Variants in EXOC2 observed in about 807,000 individuals in gnomAD.
The protein encoded by EXOC2 is exocyst complex component 2.
A neutral mutation model predicts 131.8 loss-of-function variants in EXOC2; 70 were observed. The observed-to-expected ratio is 0.53, with a 90% confidence interval of 0.44 to 0.65. The LOEUF is 0.65. Ranked by LOEUF, EXOC2 falls within the 30% of genes least tolerant of loss-of-function variation. The probability of loss-of-function intolerance (pLI) is 0.00; values close to 1 mark genes in which losing one functional copy is unlikely to be tolerated. For synonymous variants in EXOC2, 411 were observed against 398.4 expected (o/e 1.03, Z -0.38); for missense variants, 923 against 1,108.6 (o/e 0.83, Z 2.38).
At chr6:564,188 G>T in intron 15 of EXOC2, 34 bp from the exon 16 acceptor site, 1 of 1,606,734 alleles carries the variant, frequency 6.2e-7, no homozygotes, top group South Asian at 1.1e-5. Flanking sequence ...GAAGTGAGCA[G>T]AGTGGGATCG....
intron 23 of EXOC2, among the ~76,000 whole-genome samples, chr6:503,175 TTTTTA>T (rs1470440318): frequency 3.9e-5 from 6 of 152,342 alleles, no homozygotes; most frequent in Admixed American, 2.0e-4. Flanking sequence ...CTTTTTTTTT[TTTTTA>T]TTACCGATTG....
chr6:638,671 G>A (rs1216578193), intron 1 of EXOC2, among the ~76,000 whole-genome samples: 2 of 152,254 alleles, frequency 1.3e-5, no homozygotes, highest in African/African-American at 4.8e-5. Context: ...GGTGGCTCAT[G>A]CCTGTAATCC....
rs575135240 is a variant in EXOC2, at chr6:516,900, T to G, written c.2380+15569A>C. Among the ~76,000 whole-genome samples the G allele has an allele frequency of 6.6e-5, 10 of 152,236 alleles. No individual in the cohort carries two copies. The South Asian group carries it at 2.1e-3, about 32-fold the overall frequency. ...ATATGACAGAAGAAACACACACACC[T>G]TCCCCAGCGCCTCACTGACGGAGAG... is the stretch of plus-strand genomic sequence containing the variant. On this transcript the variant is annotated intron_variant, in intron 23 of 27. Transcript: ENST00000230449.
intron 11 of EXOC2, among the ~76,000 whole-genome samples, chr6:587,687 C>T (rs1044577149): frequency 2.0e-5 from 3 of 152,334 alleles, no homozygotes; most frequent in East Asian, 3.9e-4. Flanking sequence ...TCCGAGGAAA[C>T]GTTCTGTCCG....
intron 1 of EXOC2, among the ~76,000 whole-genome samples, chr6:681,196 C>A (rs563198219): frequency 6.6e-6 from 1 of 152,218 alleles, no homozygotes; most frequent in Admixed American, 6.5e-5. Context: ...TCACAATCAA[C>A]CTGTGACAGC....
chr6:567,591 C>T (rs560088406), intron 13 of EXOC2, among the ~76,000 whole-genome samples: 1 of 152,234 alleles, frequency 6.6e-6, no homozygotes, highest in South Asian at 2.1e-4. Context: ...TGTCTACATA[C>T]TGAGTACATG....
intron 1 of EXOC2, among the ~76,000 whole-genome samples, chr6:686,566 T>C (rs9504755): frequency 0.14 from 21,754 of 152,192 alleles, 1,721 homozygotes; most frequent in African/African-American, 0.2. Context: ...ATATAGGGAA[T>C]GCCTGACAAC....
chr6:650,367 C>T (rs996316275), intron 1 of EXOC2, among the ~76,000 whole-genome samples: 3 of 152,174 alleles, frequency 2.0e-5, no homozygotes, highest in African/African-American at 7.2e-5. Flanking sequence ...CTAGGAGAGT[C>T]CTTTACAAAG....
In EXOC2 at chr6:491,160, C is replaced by T. The variant is rs528502008; in HGVS notation, c.2586G>A (p.Arg862=). The part of the protein sequence containing the change: ...LQARLEICAL[R]DTVAVYLTPE... ...GTGTCAGGTAAACAGCCACAGTGTCCCTCAAAGCACAGATTTCAAGTCTCG... is the reference window on the plus strand; with the variant it reads ...GTGTCAGGTAAACAGCCACAGTGTCTCTCAAAGCACAGATTTCAAGTCTCG... Residue 862 remains arginine, a synonymous_variant, in exon 26 of 28, where the codon AGG becomes AGA. Transcript: ENST00000230449. 1.1e-5 allele frequency: 17 copies of T among 1,614,106 alleles called. No individual in the cohort carries two copies. Among genetic ancestry groups the T allele is most frequent in the Non-Finnish European group, 1.4e-5 (17 of 1,180,012 alleles).
chr6:679,003 T>G (rs1407719716), intron 1 of EXOC2: 1 of 152,042 alleles, frequency 6.6e-6, no homozygotes, highest in African/African-American at 2.4e-5. Flanking sequence ...ATAATTTTAA[T>G]TATATGTATA....
intron 6 of EXOC2, among the ~76,000 whole-genome samples, chr6:615,740 GAA>G (rs1760966514): frequency 7.0e-6 from 1 of 142,944 alleles, no homozygotes; most frequent in African/African-American, 2.6e-5. Flanking sequence ...AAAAAAAAAA[GAA>G]AAACCAGAAA....
Position 633,101 on chromosome 6 carries a change from T to A in EXOC2, c.135A>T (p.Gly45=). Residue 45 remains glycine, a synonymous_variant, in exon 3 of 28, where the codon GGA becomes GGT. Coordinates refer to ENST00000230449, the MANE Select transcript of EXOC2 (RefSeq NM_018303.6). The part of the protein sequence containing the change: ...PTDLIGLTIC[G]HNCLLTAEWM... ...ATTCTGCCGTCAGGAGGCAATTATG[T>A]CCACAAATGGTCAAGCCTGAAAATA... 3.7e-6 allele frequency: 6 copies of A among 1,613,314 alleles called. No homozygotes were observed. The highest frequency in any genetic ancestry group is 5.1e-6 in the Non-Finnish European group (6 of 1,179,972).
At chr6:657,507 T>C (rs1193944328) in intron 1 of EXOC2, among the ~76,000 whole-genome samples, 2 of 152,252 alleles carry the variant, frequency 1.3e-5, no homozygotes, top group Non-Finnish European at 2.9e-5. Context: ...TATGGAGTTA[T>C]AACACAAATG....
intron 1 of EXOC2, among the ~76,000 whole-genome samples, chr6:672,634 C>A (rs965026508): frequency 9.2e-5 from 14 of 152,158 alleles, no homozygotes; most frequent in African/African-American, 3.1e-4. Flanking sequence ...CAGTGGTTTA[C>A]CCTGTGGCCT....
chr6:682,402 G>A lies in EXOC2; in HGVS notation c.-44+10617C>T, dbSNP rs546973801. ...TTTTTAGTAGAGACAGGGTTTCTCT[G>A]TGTTAGCCAGGATGGTCTAGATCTC... On this transcript the variant is annotated intron_variant, in intron 1 of 27. Coordinates refer to ENST00000230449, the MANE Select transcript of EXOC2 (RefSeq NM_018303.6). Among the ~76,000 whole-genome samples the A allele has an allele frequency of 1.2e-3, 187 of 152,000 alleles. 2 individuals are homozygous for A. In the East Asian group the frequency reaches 0.031, roughly 25 times the overall value.
chr6:660,817 G>GA (rs939974144), intron 1 of EXOC2, among the ~76,000 whole-genome samples: 6 of 151,228 alleles, frequency 4.0e-5, no homozygotes, highest in East Asian at 1.9e-4. Context: ...TGATTTACCT[G>GA]AAAAAAAAAT....
At chr6:625,594 A>G (rs758501880) in intron 4 of EXOC2, among the ~76,000 whole-genome samples, 21 of 141,662 alleles carry the variant, frequency 1.5e-4, no homozygotes, top group Admixed American at 2.3e-4. Flanking sequence ...CTATTTTTAC[A>G]CAAGTTCTAA....
chr6:683,511 A>G (rs946214), intron 1 of EXOC2, among the ~76,000 whole-genome samples: 84,445 of 152,082 alleles, frequency 0.56, 24,492 homozygotes, highest in East Asian at 0.79. Flanking sequence ...GCTGACAAAT[A>G]TAATAACTAT....
rs765641995 is a variant in EXOC2 at position 486,744 on chromosome 6, T to G, written c.2702A>C (p.Asn901Thr). 2.5e-6 allele frequency: 4 copies of G among 1,614,112 alleles called. No individual in the cohort carries two copies. Among genetic ancestry groups the G allele is most frequent in the Non-Finnish European group, 3.4e-6 (4 of 1,179,976 alleles). Residue 901 changes from asparagine (N) to threonine (T), a missense_variant, in exon 28 of 28, where the codon AAC becomes ACC. Asn to Thr is a moderately conservative substitution (Grantham distance 65, BLOSUM62 0). Transcript: ENST00000230449. Reference sequence around the variant, plus strand: ...CAAGTGCATGCTACTCTTGAACTTGTTCAGGAGCTCTTCCAGTAACCTGCA... The same window carrying G: ...CAAGTGCATGCTACTCTTGAACTTGGTCAGGAGCTCTTCCAGTAACCTGCA... ...ADKKLLEELL[N>T]KFKSSMHLQL...
Sources: allele counts gnomAD v4.1 joint callset (sites outside exome capture counted in the v4.1 genomes callset), GRCh38; gene constraint gnomAD v4.1.1; transcripts MANE v1.5; gene names NCBI Gene and HGNC (gene_info 2026-07-23, HGNC 2026-07-21).